ZFAND3: variants seen among roughly 807,000 people sequenced by gnomAD.
The protein encoded by ZFAND3 is zinc finger AN1-type containing 3.
Under a neutral mutation model 29.6 loss-of-function variants are expected in ZFAND3, and 10 were observed. The observed-to-expected ratio is 0.34, with a 90% CI of 0.21 to 0.57. ZFAND3 has a LOEUF of 0.57. Ranked by LOEUF, ZFAND3 falls within the 20% of genes least tolerant of loss-of-function variation. The pLI, the probability that ZFAND3 is intolerant of heterozygous loss-of-function variation, is 0.86. For synonymous variants in ZFAND3, 128 were observed against 112.6 expected (o/e 1.14, Z -0.87); for missense variants, 230 against 304.5 (o/e 0.76, Z 1.82).
chr6:38,098,154 TG>T (rs1765019382), intron 4 of ZFAND3, among the ~76,000 whole-genome samples: 2 of 152,092 alleles, frequency 1.3e-5, no homozygotes, highest in African/African-American at 4.8e-5. Context: ...TTTGACCTGT[TG>T]GGCTTGAGTG....
At chr6:37,851,142 T>C (rs1764272881) in intron 1 of ZFAND3, among the ~76,000 whole-genome samples, 1 of 151,546 alleles carries the variant, frequency 6.6e-6, no homozygotes, top group African/African-American at 2.4e-5. Flanking sequence ...CTGACTAATT[T>C]TATCGTTTTC....
intron 1 of ZFAND3, among the ~76,000 whole-genome samples, chr6:37,913,912 A>G (rs1172287169): frequency 6.6e-6 from 1 of 151,334 alleles, no homozygotes; most frequent in Non-Finnish European, 1.5e-5. Context: ...TTTAGTAGAG[A>G]TGGGGTTTCG....
At chr6:38,108,431 C>T (rs1765249750) in intron 4 of ZFAND3, among the ~76,000 whole-genome samples, 1 of 152,148 alleles carries the variant, frequency 6.6e-6, no homozygotes, top group Non-Finnish European at 1.5e-5. Context: ...CAGTCCAAGT[C>T]CAAAAGCCCC....
intron 2 of ZFAND3, among the ~76,000 whole-genome samples, chr6:38,052,987 T>C (rs1268350459): frequency 2.0e-5 from 3 of 147,958 alleles, no homozygotes; most frequent in Admixed American, 6.9e-5. Flanking sequence ...TAAGCCAAGA[T>C]CGTGCCACTG....
chr6:37,890,408 A>G (rs146126827), intron 1 of ZFAND3, among the ~76,000 whole-genome samples: 17 of 152,344 alleles, frequency 1.1e-4, no homozygotes, highest in Non-Finnish European at 1.9e-4. Flanking sequence ...CATGAACCTG[A>G]GAGCCAGAAG....
chr6:37,834,474 T>A (rs1220489022), intron 1 of ZFAND3, among the ~76,000 whole-genome samples: 1 of 152,146 alleles, frequency 6.6e-6, no homozygotes, highest in Admixed American at 6.6e-5. Flanking sequence ...TGTGCAGGTT[T>A]TTGTGTGGAC....
intron 2 of ZFAND3, among the ~76,000 whole-genome samples, chr6:37,954,197 G>A (rs140207229): frequency 3.3e-5 from 5 of 151,242 alleles, no homozygotes; most frequent in African/African-American, 1.2e-4. Flanking sequence ...TGTGCCTGGT[G>A]TAATTTTCTC....
chr6:37,854,439 C>G (rs1411166074), intron 1 of ZFAND3, among the ~76,000 whole-genome samples: 2 of 152,006 alleles, frequency 1.3e-5, no homozygotes, highest in Non-Finnish European at 2.9e-5. Flanking sequence ...AGCTCAAGTC[C>G]CTTTACTCTT....
chr6:38,147,029 C>T (rs1231817361), intron 5 of ZFAND3, among the ~76,000 whole-genome samples: 1 of 152,072 alleles, frequency 6.6e-6, no homozygotes, highest in Non-Finnish European at 1.5e-5. Flanking sequence ...GTCTGTCACC[C>T]GAGTGCAGTA....
chr6:37,906,210 C>T (rs1255575628), intron 1 of ZFAND3, among the ~76,000 whole-genome samples: 1 of 152,134 alleles, frequency 6.6e-6, no homozygotes, highest in Non-Finnish European at 1.5e-5. Context: ...CTATTCTTTT[C>T]TCTGTATCCG....
chr6:37,824,559 T>A (rs1265488209), intron 1 of ZFAND3, among the ~76,000 whole-genome samples: 1 of 152,236 alleles, frequency 6.6e-6, no homozygotes, highest in Non-Finnish European at 1.5e-5. Context: ...TTGGAGATAA[T>A]CTCGTGATGA....
intron 1 of ZFAND3, among the ~76,000 whole-genome samples, chr6:37,906,452 T>A (rs1561929266): frequency 6.6e-6 from 1 of 152,188 alleles, no homozygotes; most frequent in Non-Finnish European, 1.5e-5. Flanking sequence ...GACATTTAGG[T>A]CCCTTCCACC....
intron 4 of ZFAND3, among the ~76,000 whole-genome samples, chr6:38,116,025 C>CT (rs1306095838): frequency 1.3e-5 from 2 of 152,176 alleles, no homozygotes; most frequent in Non-Finnish European, 2.9e-5. Context: ...ACTTCTGTGT[C>CT]TTTAAGAGTA....
rs146444484 is a variant in ZFAND3, at chr6:38,074,947, A to G, written c.296-7445A>G. 3.3e-5 allele frequency among the ~76,000 whole-genome samples: 5 copies of G among 152,336 alleles called. No individual in the cohort carries two copies. In the East Asian group the frequency reaches 9.6e-4, roughly 29 times the overall value. On this transcript the variant is annotated intron_variant, in intron 3 of 5. Transcript: ENST00000287218. ...AGCCTGGATGACTGCACATCTGTTT[A>G]TAGCATCATTCACTGAATATTTTAA...
intron 2 of ZFAND3, among the ~76,000 whole-genome samples, chr6:37,992,384 A>G (rs979105834): frequency 4.6e-5 from 7 of 152,198 alleles, no homozygotes; most frequent in East Asian, 1.9e-4. Flanking sequence ...CTTCTCCTCT[A>G]TCAACTTTAT....
chr6:37,961,327 A>G (rs955319092), intron 2 of ZFAND3, among the ~76,000 whole-genome samples: 1 of 152,246 alleles, frequency 6.6e-6, no homozygotes, highest in African/African-American at 2.4e-5. Context: ...TTGCCAGCTC[A>G]GCCACAATGC....
chr6:38,079,842 A>G (rs1030845357), intron 3 of ZFAND3, among the ~76,000 whole-genome samples: 3 of 152,138 alleles, frequency 2.0e-5, no homozygotes, highest in African/African-American at 7.2e-5. Context: ...AATCTCTTAC[A>G]TCAAAATTTC....
chr6:37,832,034 C>T (rs918217472), intron 1 of ZFAND3, among the ~76,000 whole-genome samples: 1 of 152,134 alleles, frequency 6.6e-6, no homozygotes, highest in Non-Finnish European at 1.5e-5. Flanking sequence ...CCTTTTTGGA[C>T]CATGGATCCC....
At chr6:37,823,973 T>G (rs1330521548) in intron 1 of ZFAND3, among the ~76,000 whole-genome samples, 1 of 152,096 alleles carries the variant, frequency 6.6e-6, no homozygotes, top group Non-Finnish European at 1.5e-5. Flanking sequence ...TTATTTTTAG[T>G]AGAGACGTGG....
Sources: allele counts gnomAD v4.1 joint callset (sites outside exome capture counted in the v4.1 genomes callset), GRCh38; gene constraint gnomAD v4.1.1; transcripts MANE v1.5; gene names NCBI Gene and HGNC (gene_info 2026-07-23, HGNC 2026-07-21).